Variants in USP47 observed in about 807,000 individuals in gnomAD.
USP47 encodes ubiquitin specific peptidase 47, also known as ubiquitin carboxyl-terminal hydrolase 47.
USP47 carries 35 observed loss-of-function variants against 165.1 expected under a neutral mutation model. The observed-to-expected ratio is 0.21, with a 90% CI of 0.16 to 0.28. The LOEUF is 0.28. Among genes scored for constraint, USP47 ranks in the 10% least tolerant of loss-of-function variants. The pLI is 1.00. For synonymous variants in USP47, 531 were observed against 544.5 expected (o/e 0.98, Z 0.35); for missense variants, 1,277 against 1,607.4 (o/e 0.79, Z 3.52).
chr11:11,908,508 A>G (rs1387781665), intron 8 of USP47, among the ~76,000 whole-genome samples: 1 of 152,038 alleles, frequency 6.6e-6, no homozygotes, highest in Non-Finnish European at 1.5e-5. Context: ...TTATGGTCAA[A>G]TAAATTAACT....
chr11:11,933,041 A>C lies in USP47; in HGVS notation c.1689A>C (p.Lys563Asn). The C allele has an allele frequency of 6.2e-7, 1 of 1,613,386 alleles. No homozygotes were observed. Among genetic ancestry groups the C allele is most frequent in the Non-Finnish European group, 8.5e-7 (1 of 1,179,586 alleles). ...LEVDEYPEHI[K>N]NLVQKERELE... ...TGGATGAATACCCAGAACATATTAA[A>C]AACTTGGTGCAGAAAGAGAGAGAGT... The change falls in exon 15 of 28, where the codon AAA becomes AAC. Residue 563 changes from lysine (K) to asparagine (N), a missense_variant. Lys to Asn is a moderately conservative substitution (Grantham distance 94). Transcript: ENST00000527733.
At chr11:11,845,867 C>G (rs1848398419) in intron 1 of USP47, among the ~76,000 whole-genome samples, 1 of 152,144 alleles carries the variant, frequency 6.6e-6, no homozygotes, top group African/African-American at 2.4e-5. Context: ...GTCTAGATCT[C>G]TATAGCTGCC....
chr11:11,844,218 A>G (rs1252650019), intron 1 of USP47, among the ~76,000 whole-genome samples: 1 of 152,064 alleles, frequency 6.6e-6, no homozygotes, highest in East Asian at 1.9e-4. Flanking sequence ...AGGATCTGAT[A>G]GTTTTTTTAA....
intron 23 of USP47, 98 bp from the exon 24 acceptor site, chr11:11,950,266 T>C: frequency 1.2e-6 from 1 of 848,670 alleles, no homozygotes; most frequent in African/African-American, 1.7e-5. Flanking sequence ...CTTTTGTATT[T>C]GAACATAGTT....
chr11:11,853,090 T>C (rs1465619657), intron 1 of USP47, among the ~76,000 whole-genome samples: 1 of 151,976 alleles, frequency 6.6e-6, no homozygotes, highest in African/African-American at 2.4e-5. Flanking sequence ...AGTGCCCAGA[T>C]ACTGTAATTT....
At chr11:11,852,611 T>TG (rs55956005) in intron 1 of USP47, among the ~76,000 whole-genome samples, 152,162 of 152,298 alleles carry the variant, frequency 1, 76,014 homozygotes, top group Non-Finnish European at 1. Context: ...TAGGTGTCTT[T>TG]GCTTTCTTCT....
chr11:11,929,529 G>A lies in USP47; in HGVS notation c.1482G>A (p.Glu494=). Residue 494 remains glutamate, a synonymous_variant, in exon 12 of 28, where the codon GAG becomes GAA. Coordinates refer to ENST00000527733, the MANE Select transcript of USP47 (RefSeq NM_001282659.2). The part of the protein sequence containing the change: ...YYACIKSFSD[E]QWYSFNDQHV... ...CATGTATAAAGTCATTCAGTGATGA[G>A]CAGTGGTACAGCTTCAATGATCAAC... 6.2e-7 allele frequency: 1 copy of A among 1,613,292 alleles called. No individual in the cohort carries two copies. Among genetic ancestry groups the A allele is most frequent in the Non-Finnish European group, 8.5e-7 (1 of 1,179,390 alleles).
At chr11:11,933,565 T>G (rs1447371834) in intron 15 of USP47, among the ~76,000 whole-genome samples, 2 of 152,060 alleles carry the variant, frequency 1.3e-5, no homozygotes, top group African/African-American at 4.8e-5. Flanking sequence ...ACAACACAAA[T>G]GTATATTGGT....
intron 1 of USP47, among the ~76,000 whole-genome samples, chr11:11,874,135 A>G (rs540759369): frequency 8.5e-4 from 129 of 152,334 alleles, no homozygotes; most frequent in Admixed American, 1.2e-3. Flanking sequence ...TTTTCCAGAT[A>G]TATTTATTTT....
At chr11:11,859,627 T>A (rs58241337) in intron 1 of USP47, among the ~76,000 whole-genome samples, 19,462 of 152,224 alleles carry the variant, frequency 0.13, 1,591 homozygotes, top group Middle Eastern at 0.39. Context: ...CCCCAAAAGA[T>A]AATCTTTTGA....
In USP47 at chr11:11,893,925, G is replaced by A. The variant is rs547701585; in HGVS notation, c.496+1819G>A. 3.3e-5 allele frequency among the ~76,000 whole-genome samples: 5 copies of A among 152,200 alleles called. No homozygotes were observed. The South Asian group carries it at 1.0e-3, about 32-fold the overall frequency. On this transcript the variant is annotated intron_variant, in intron 4 of 27. Coordinates refer to ENST00000527733, the MANE Select transcript of USP47 (RefSeq NM_001282659.2). Reference sequence around the variant, plus strand: ...TAATTTCCTCATAGCTAGTTATTGTGCAGCTTTAATGGTTTATTTTTTCTG... The same window carrying A: ...TAATTTCCTCATAGCTAGTTATTGTACAGCTTTAATGGTTTATTTTTTCTG...
At chr11:11,891,771 A>T (rs1048982864) in intron 3 of USP47, among the ~76,000 whole-genome samples, 197 bp from the exon 4 acceptor site, 2 of 152,224 alleles carry the variant, frequency 1.3e-5, no homozygotes, top group African/African-American at 2.4e-5. Context: ...TTCGTTTATT[A>T]GTACCAAAAA....
In USP47 at chr11:11,905,563, C is replaced by T. The variant is rs766012225; in HGVS notation, c.969+15C>T. ...TTGCTAGTGTGGTGTGTACCTTTCA[C>T]CTGACTGCTTGTGTATCCTTACACA... On this transcript the variant is annotated intron_variant, in intron 8 of 27. Transcript: ENST00000527733. 1 of 1,587,258 alleles carries T rather than the reference C, an allele frequency of 6.3e-7. No homozygotes were observed. Among genetic ancestry groups the T allele is most frequent in the South Asian group, 1.1e-5 (1 of 87,662 alleles).
At chr11:11,848,936 C>G (rs1204598598) in intron 1 of USP47, among the ~76,000 whole-genome samples, 1 of 148,838 alleles carries the variant, frequency 6.7e-6, no homozygotes, top group Non-Finnish European at 1.5e-5. Flanking sequence ...AGTGTTACTT[C>G]TTGATTTTTC....
At chr11:11,878,129 G>A (rs558238641) in intron 1 of USP47, among the ~76,000 whole-genome samples, 17 of 152,100 alleles carry the variant, frequency 1.1e-4, no homozygotes, top group African/African-American at 4.1e-4. Flanking sequence ...TGGAAGGAGA[G>A]GCATCTGGGG....
At chr11:11,884,709 T>C in intron 3 of USP47, 129 bp downstream of exon 3, 1 of 643,758 alleles carries the variant, frequency 1.6e-6, no homozygotes, top group Non-Finnish European at 2.6e-6. Context: ...TTTTTCATTT[T>C]ATGTTGGTTT....
In USP47 at chr11:11,936,303, A is replaced by T; in HGVS notation, c.1870A>T (p.Met624Leu). 6.6e-7 allele frequency: 1 copy of T among 1,505,330 alleles called. No individual in the cohort carries two copies. The highest frequency in any genetic ancestry group is 8.9e-7 in the Non-Finnish European group (1 of 1,120,474). The allele number at this position is 1,505,330 out of a possible 1,614,324, so 93.2% of individuals were successfully genotyped here. A position where few individuals can be genotyped will look rare whatever the true frequency, so the allele number is the denominator to read the frequency against. The change falls in exon 17 of 28, where the codon ATG becomes TTG. Residue 624 changes from methionine to leucine, a missense_variant and splice_region_variant. By Grantham distance (15) the Met-to-Leu change is conservative. Transcript: ENST00000527733. The stretch of plus-strand genomic sequence containing the variant: ...TTTCTGGGGGATTACTTTCTTTTAG[A>T]TGATGGATTTAGAAGAGGTAATACC... ...LKEAVEMAYK[M>L]MDLEEVIPLD...
intron 1 of USP47, among the ~76,000 whole-genome samples, chr11:11,874,552 G>T (rs1018213991): frequency 5.9e-5 from 9 of 151,382 alleles, no homozygotes; most frequent in African/African-American, 1.9e-4. Flanking sequence ...GAGTCTAAAT[G>T]AAGCTGATAC....
At chr11:11,912,030 GA>G (rs1459017131) in intron 8 of USP47, among the ~76,000 whole-genome samples, 1 of 151,834 alleles carries the variant, frequency 6.6e-6, no homozygotes, top group East Asian at 1.9e-4. Flanking sequence ...TGAACTTAAT[GA>G]AAAGTAAAAC....
Sources: gnomAD v4.1 joint callset for allele counts (sites outside exome capture counted in the v4.1 genomes callset) on GRCh38, gnomAD v4.1.1 for gene constraint, MANE v1.5 for transcripts, NCBI Gene and HGNC (gene_info 2026-07-23, HGNC 2026-07-21) for gene names.